GRIP1: variants seen among roughly 807,000 people sequenced by gnomAD.
GRIP1 encodes glutamate receptor interacting protein 1.
A neutral mutation model predicts 129.9 loss-of-function variants in GRIP1; 45 were observed. That is an observed-to-expected ratio of 0.35 (90% confidence interval 0.27 to 0.44). GRIP1 has a LOEUF of 0.44. GRIP1 is among the 20% of genes least tolerant of loss of function. GRIP1 has a pLI of 1.00. For synonymous variants in GRIP1, 530 were observed against 520.8 expected, an observed-to-expected ratio of 1.02 and a Z score of -0.24; for missense variants, 1,196 against 1,396.8, an observed-to-expected ratio of 0.86 and a Z score of 2.29.
intron 1 of GRIP1, among the ~76,000 whole-genome samples, chr12:66,957,417 A>AATATATATATATAT (rs60559996): frequency 6.8e-6 from 1 of 147,430 alleles, no homozygotes; most frequent in African/African-American, 2.5e-5. Flanking sequence ...GCTTTAATCT[A>AATATATATATATAT]ATATATATAT....
chr12:66,740,860 C>A (rs1218343377), intron 1 of GRIP1, among the ~76,000 whole-genome samples: 2 of 151,908 alleles, frequency 1.3e-5, no homozygotes, highest in East Asian at 3.9e-4. Context: ...GAAGCAGGAG[C>A]CAACCAAAGT....
In GRIP1 at chr12:66,450,022, C is replaced by T. The variant is rs771270559; in HGVS notation, c.1355-4514G>A. 8.5e-4 allele frequency among the ~76,000 whole-genome samples: 129 copies of T among 151,674 alleles called. 1 individual carries two copies. Among genetic ancestry groups the T allele is most frequent in the Non-Finnish European group, 4.4e-4 (30 of 67,940 alleles). On this transcript the variant is annotated intron_variant, in intron 11 of 24. Coordinates refer to ENST00000359742, the MANE Select transcript of GRIP1 (RefSeq NM_001366722.1). ...TCTTCACTAAGAAAGAGCCAAGAGC[C>T]GGGCGCGGTGGCTCACGCCTGTAAT... is the stretch of plus-strand genomic sequence containing the variant.
At chr12:66,392,533 A>C (rs1448476355) in intron 18 of GRIP1, 31 bp from the exon 19 acceptor site, 1 of 1,603,364 alleles carries the variant, frequency 6.2e-7, no homozygotes, top group South Asian at 1.1e-5. Flanking sequence ...TTTAAGTATC[A>C]GAGTAAATTT....
chr12:66,724,571 G>A (rs1313944866), intron 1 of GRIP1, among the ~76,000 whole-genome samples: 6 of 152,160 alleles, frequency 3.9e-5, no homozygotes, highest in Admixed American at 3.3e-4. Context: ...CTTATGTGAT[G>A]TCCAAAATAG....
At chr12:66,823,846 C>T (rs73329297) in intron 1 of GRIP1, among the ~76,000 whole-genome samples, 2,766 of 152,184 alleles carry the variant, frequency 0.018, 79 homozygotes, top group African/African-American at 0.061. Context: ...GATAACCACA[C>T]GCTTTTTACT....
chr12:66,366,528 A>G (rs2055155332), intron 23 of GRIP1, among the ~76,000 whole-genome samples: 2 of 152,244 alleles, frequency 1.3e-5, no homozygotes, highest in African/African-American at 2.4e-5. Context: ...TCCAAGTGTC[A>G]TGCCACCAGC....
chr12:66,640,383 T>C (rs1194561991), intron 1 of GRIP1, among the ~76,000 whole-genome samples: 1 of 152,150 alleles, frequency 6.6e-6, no homozygotes, highest in African/African-American at 2.4e-5. Flanking sequence ...GAAAAATAAA[T>C]TGGTCATCCC....
intron 1 of GRIP1, among the ~76,000 whole-genome samples, chr12:66,842,070 C>T (rs2039728506): frequency 6.6e-6 from 1 of 151,970 alleles, no homozygotes; most frequent in Non-Finnish European, 1.5e-5. Context: ...ATGTCAGTCC[C>T]CTTATTGAGG....
At chr12:66,945,115 T>C (rs1299284392) in intron 1 of GRIP1, among the ~76,000 whole-genome samples, 4 of 152,164 alleles carry the variant, frequency 2.6e-5, no homozygotes, top group African/African-American at 4.8e-5. Flanking sequence ...GTTTTTAATA[T>C]GGAATTGCCA....
chr12:66,969,821 G>C (rs988261590), intron 1 of GRIP1, among the ~76,000 whole-genome samples: 3 of 152,098 alleles, frequency 2.0e-5, no homozygotes, highest in Admixed American at 6.6e-5. Flanking sequence ...AGTCTTCTGA[G>C]TGACCCTTCA....
At chr12:66,513,332 A>G (rs2060753212) in intron 7 of GRIP1, among the ~76,000 whole-genome samples, 1 of 152,080 alleles carries the variant, frequency 6.6e-6, no homozygotes, top group African/African-American at 2.4e-5. Flanking sequence ...CTTCATGTAC[A>G]TTTTAGAAAC....
chr12:66,551,087 T>C (rs2062111532), intron 2 of GRIP1, among the ~76,000 whole-genome samples: 1 of 152,226 alleles, frequency 6.6e-6, no homozygotes, highest in African/African-American at 2.4e-5. Context: ...TGAATTTAAT[T>C]ACTCTGATTT....
intron 2 of GRIP1, among the ~76,000 whole-genome samples, chr12:66,567,126 C>T (rs979563382): frequency 6.6e-6 from 1 of 152,154 alleles, no homozygotes; most frequent in Non-Finnish European, 1.5e-5. Context: ...CTATCTCCTT[C>T]AGTTCTGCTC....
chr12:66,651,111 T>C (rs1235328850), intron 1 of GRIP1, among the ~76,000 whole-genome samples: 1 of 152,192 alleles, frequency 6.6e-6, no homozygotes, highest in Admixed American at 6.5e-5. Context: ...AGAACATTTG[T>C]TTCCTATCAT....
At chr12:66,450,303 CAAAAAAAAAAAAAAAAAA>C (rs143013040) in intron 11 of GRIP1, among the ~76,000 whole-genome samples, 5 of 26,804 alleles carry the variant, frequency 1.9e-4, no homozygotes, top group African/African-American at 6.2e-4. Flanking sequence ...GACTCCATCT[CAAAAAAAAAAAAAAAAAA>C]AAAAAAAAAA....
intron 16 of GRIP1, among the ~76,000 whole-genome samples, chr12:66,400,521 A>G (rs2056948369): frequency 6.6e-6 from 1 of 152,316 alleles, no homozygotes; most frequent in East Asian, 1.9e-4. Context: ...TGAAGCCCAA[A>G]ATATGAATCT....
At chr12:66,750,791 T>C (rs570444904) in intron 1 of GRIP1, among the ~76,000 whole-genome samples, 109 of 152,246 alleles carry the variant, frequency 7.2e-4, no homozygotes, top group African/African-American at 2.6e-3. Flanking sequence ...CTAACAGCAA[T>C]AGAGTTTCAT....
chr12:66,963,575 T>C (rs1002647701), intron 1 of GRIP1, among the ~76,000 whole-genome samples: 7 of 152,218 alleles, frequency 4.6e-5, no homozygotes. Flanking sequence ...TTCTGTAATG[T>C]AATGACAAAC....
intron 1 of GRIP1, among the ~76,000 whole-genome samples, chr12:66,864,667 A>G (rs1592913185): frequency 6.6e-6 from 1 of 152,126 alleles, no homozygotes; most frequent in African/African-American, 2.4e-5. Flanking sequence ...GCAGTGAGCT[A>G]TGATCACTCT....
Sources: allele counts gnomAD v4.1 joint callset (sites outside exome capture counted in the v4.1 genomes callset), GRCh38; gene constraint gnomAD v4.1.1; transcripts MANE v1.5; gene names NCBI Gene and HGNC (gene_info 2026-07-23, HGNC 2026-07-21).